VRTN: variants seen among roughly 807,000 people sequenced by gnomAD.
VRTN encodes the protein vertebrae development associated, also known as vertnin.
A neutral mutation model predicts 18.2 loss-of-function variants in VRTN; 5 were observed. That is an observed-to-expected ratio of 0.27 (90% CI 0.14 to 0.58). The LOEUF is 0.58. Ranked by LOEUF, VRTN falls within the 20% of genes least tolerant of loss-of-function variation. VRTN has a pLI of 0.91. For missense variants in VRTN, 741 were observed against 939.4 expected, an observed-to-expected ratio of 0.79 and a Z score of 2.76; for synonymous variants, 381 against 393.7, an observed-to-expected ratio of 0.97 and a Z score of 0.38.
chr14:74,323,915 T>C (rs2085471356), intron 1 of VRTN, among the ~76,000 whole-genome samples: 1 of 152,210 alleles, frequency 6.6e-6, no homozygotes, highest in Non-Finnish European at 1.5e-5. Flanking sequence ...ATATGTCTGT[T>C]TGCTGAATCT....
At chr14:74,332,049 A>G (rs1280739299) in intron 1 of VRTN, among the ~76,000 whole-genome samples, 1 of 152,086 alleles carries the variant, frequency 6.6e-6, no homozygotes, top group African/African-American at 2.4e-5. Flanking sequence ...GACTGTGCCC[A>G]TATGTAGTTC....
Position 74,305,390 on chromosome 14 carries a change from C to T in VRTN, c.-164+2214C>T, listed in dbSNP as rs138631792. The T allele has an allele frequency of 8.1e-5, 13 of 160,284 alleles. No individual in the cohort carries two copies. In the South Asian group the frequency reaches 8.9e-4, roughly 11 times the overall value. The allele number at this position is 160,284 out of a possible 1,614,324, so 9.9% of individuals were successfully genotyped here. On this transcript the variant is annotated intron_variant, in intron 1 of 2. Transcript: ENST00000557177. The stretch of plus-strand genomic sequence containing the variant: ...TACACCAGAGTTACCAGTGAGCAAG[C>T]GGGAGGCTACTGGAGTGCAGCAGAG...
intron 1 of VRTN, among the ~76,000 whole-genome samples, chr14:74,312,622 T>C (rs1397817642): frequency 6.6e-6 from 1 of 152,068 alleles, no homozygotes; most frequent in Non-Finnish European, 1.5e-5. Context: ...AGCTGATTTT[T>C]GTATTTTTTG....
intron 1 of VRTN, among the ~76,000 whole-genome samples, chr14:74,313,289 C>T (rs2085399850): frequency 1.3e-5 from 2 of 152,076 alleles, no homozygotes; most frequent in Non-Finnish European, 2.9e-5. Context: ...GAAGCTACTC[C>T]TCTGACCTAG....
At chr14:74,350,751 A>T (rs959127089) in intron 1 of VRTN, among the ~76,000 whole-genome samples, 1 of 152,192 alleles carries the variant, frequency 6.6e-6, no homozygotes, top group Admixed American at 6.5e-5. Flanking sequence ...GATCCTGTAG[A>T]TAGCGTAGGT....
chr14:74,313,603 G>A (rs998976479), intron 1 of VRTN, among the ~76,000 whole-genome samples: 9 of 152,260 alleles, frequency 5.9e-5, no homozygotes, highest in Admixed American at 1.3e-4. Context: ...CTGCTGTCAC[G>A]TCCTCTAGAT....
rs532891890 is a variant in VRTN at position 74,358,389 on chromosome 14, C to T, written c.1606C>T (p.Leu536=). 8.1e-6 allele frequency: 13 copies of T among 1,614,078 alleles called. No individual in the cohort carries two copies. In the Admixed American group the frequency reaches 2.0e-4, roughly 25 times the overall value. The change falls in exon 2 of 2, where the codon CTG becomes TTG. Residue 536 remains leucine, a synonymous_variant. Coordinates refer to ENST00000256362, the MANE Select transcript of VRTN (RefSeq NM_018228.3). The surrounding 1 kb of genome is among the most constrained non-coding windows in gnomAD (Gnocchi z 5.4). ...CCGCTTCCGCCTCCGCTACCCCAGC[C>T]TGTCACCTTCTGCCTTTTGGGTCTG... is the stretch of plus-strand genomic sequence containing the variant. ...FCRFRLRYPS[L]SPSAFWVWKS...
intron 1 of VRTN, among the ~76,000 whole-genome samples, chr14:74,326,463 G>A (rs2085488274): frequency 6.6e-6 from 1 of 152,070 alleles, no homozygotes; most frequent in Non-Finnish European, 1.5e-5. Context: ...TCACAGCCCT[G>A]GAGGATGGAA....
At chr14:74,303,455 G>A (rs556086832) in intron 1 of VRTN, among the ~76,000 whole-genome samples, 49 of 152,180 alleles carry the variant, frequency 3.2e-4, no homozygotes, top group Non-Finnish European at 6.6e-4. Context: ...GGAGGCTGAG[G>A]CAGGAGAATC....
chr14:74,311,266 C>T (rs1000887182), intron 1 of VRTN, among the ~76,000 whole-genome samples: 1 of 152,110 alleles, frequency 6.6e-6, no homozygotes, highest in Non-Finnish European at 1.5e-5. Context: ...TTGTCTTCCA[C>T]CCCAGAGCCA....
intron 1 of VRTN, chr14:74,303,271 C>G (rs2085158037): frequency 4.4e-6 from 1 of 226,928 alleles, no homozygotes. Context: ...AGGCTTCCAG[C>G]CGGGCCCGGT....
At chr14:74,304,504 G>A (rs541332866) in intron 1 of VRTN, among the ~76,000 whole-genome samples, 1 of 152,248 alleles carries the variant, frequency 6.6e-6, no homozygotes, top group South Asian at 2.1e-4. Flanking sequence ...TACAGCAGGG[G>A]TTCTCAACTT....
At chr14:74,345,815 T>C (rs2085640337), upstream of VRTN, among the ~76,000 whole-genome samples, 1 of 148,168 alleles carries the variant, frequency 6.7e-6, no homozygotes, top group Non-Finnish European at 1.5e-5. Flanking sequence ...TCCCAGCTAC[T>C]GGGGAGGCTT....
At chr14:74,355,143 A>C (rs2085716788) in intron 1 of VRTN, among the ~76,000 whole-genome samples, 1 of 16,352 alleles carries the variant, frequency 6.1e-5, no homozygotes. Context: ...CTCAGTCTCA[A>C]AAAAAAAAAA....
chr14:74,309,813 C>T (rs1415189644), intron 1 of VRTN, among the ~76,000 whole-genome samples: 1 of 152,196 alleles, frequency 6.6e-6, no homozygotes, highest in Non-Finnish European at 1.5e-5. Flanking sequence ...GCTACTTCCT[C>T]ACTCTTATAC....
intron 1 of VRTN, among the ~76,000 whole-genome samples, chr14:74,355,490 TTAAGGATAA>T (rs1171795271): frequency 6.6e-6 from 1 of 152,134 alleles, no homozygotes; most frequent in East Asian, 1.9e-4. Context: ...CGACATGTAC[TTAAGGATAA>T]CGGTTTTCTT....
At chr14:74,315,273 G>A (rs986290678) in intron 1 of VRTN, among the ~76,000 whole-genome samples, 11 of 152,180 alleles carry the variant, frequency 7.2e-5, no homozygotes, top group African/African-American at 2.7e-4. Flanking sequence ...GCTTGTAGCG[G>A]TGTGATCTTG....
chr14:74,315,368 C>T lies in VRTN; in HGVS notation c.-164+12192C>T, dbSNP rs73309286. On this transcript the variant is annotated intron_variant, in intron 1 of 2. Transcript: ENST00000557177. Reference sequence around the variant, plus strand: ...AGTTGGTATAACAAGCATGAGCCACCGCAACCAGCAACAGTGATAATTCGT... The same window carrying T: ...AGTTGGTATAACAAGCATGAGCCACTGCAACCAGCAACAGTGATAATTCGT... Among the ~76,000 whole-genome samples the T allele has an allele frequency of 5.2e-3, 785 of 152,218 alleles. 7 individuals carry two copies. Among genetic ancestry groups the T allele is most frequent in the African/African-American group, 0.017 (720 of 41,554 alleles).
At chr14:74,315,044 T>C (rs1487648047) in intron 1 of VRTN, among the ~76,000 whole-genome samples, 1 of 152,126 alleles carries the variant, frequency 6.6e-6, no homozygotes, top group Non-Finnish European at 1.5e-5. Flanking sequence ...TGGCCTGCCT[T>C]GGGAGAGGAA....
Sources: allele counts gnomAD v4.1 joint callset (sites outside exome capture counted in the v4.1 genomes callset), GRCh38; gene constraint gnomAD v4.1.1; non-coding constraint Gnocchi (gnomAD v3.1); transcripts MANE v1.5; gene names NCBI Gene and HGNC (gene_info 2026-07-23, HGNC 2026-07-21).